Variants in SH2B2 observed in about 807,000 individuals in gnomAD.
SH2B2 encodes SH2B adaptor protein 2.
Under a neutral mutation model 35.7 loss-of-function variants are expected in SH2B2, and 37 were observed. The ratio of observed to expected loss-of-function variants is 1.04; its 90% CI spans 0.80 to 1.36. The LOEUF (loss-of-function observed/expected upper bound fraction) is 1.36. Among genes scored for constraint, SH2B2 ranks in the 40% most tolerant of loss-of-function variants. The pLI, the probability that SH2B2 is intolerant of heterozygous loss-of-function variation, is 0.00. For missense variants in SH2B2, 852 were observed against 817.7 expected, an observed-to-expected ratio of 1.04 and a Z score of -0.51; for synonymous variants, 383 against 376.4, an observed-to-expected ratio of 1.02 and a Z score of -0.20.
At chr7:102,292,507 G>C (rs1402733653) in intron 1 of SH2B2, among the ~76,000 whole-genome samples, 1 of 150,346 alleles carries the variant, frequency 6.7e-6, no homozygotes, top group Non-Finnish European at 1.5e-5. Flanking sequence ...CTCCAGCCTC[G>C]GCAACAGAGC....
At chr7:102,316,102 C>G in intron 6 of SH2B2, among the ~76,000 whole-genome samples, 1 of 151,774 alleles carries the variant, frequency 6.6e-6, no homozygotes, top group Non-Finnish European at 1.5e-5. Flanking sequence ...CAACAAGACT[C>G]TGTCTCTACA....
At position 102,297,394 on chromosome 7, in the gene SH2B2, T is replaced by TACATAC. The variant is rs1554552659; in HGVS notation, c.-29-3125_-29-3124insTACACA. 8.3e-5 allele frequency among the ~76,000 whole-genome samples: 12 copies of TACATAC among 144,458 alleles called. No homozygotes were observed. The highest frequency in any genetic ancestry group is 3.1e-4 in the African/African-American group (12 of 38,662). 94.8% of individuals were successfully genotyped at this position (144,458 alleles called of 152,430 possible). A position where few individuals can be genotyped will look rare whatever the true frequency, so the allele number is the denominator to read the frequency against. On this transcript the variant is annotated intron_variant, in intron 1 of 8. Coordinates refer to ENST00000444095, the MANE Select transcript of SH2B2 (RefSeq NM_001359228.2). The surrounding 1 kb of genome is among the most constrained non-coding windows in gnomAD (Gnocchi z 4.3). ...CATCAATAGAGTGAGATCCCATCTC[T>TACATAC]ACACACACACACACACACACACACA...
At chr7:102,290,846 T>C (rs1250408635) in intron 1 of SH2B2, among the ~76,000 whole-genome samples, 2 of 152,238 alleles carry the variant, frequency 1.3e-5, no homozygotes, top group Non-Finnish European at 2.9e-5. Flanking sequence ...TGGGTACCTC[T>C]GCAGCTGCCT....
rs782259140 is a variant in SH2B2 at position 102,300,679 on chromosome 7, C to T, written c.129C>T (p.Cys43=). ...AAAVDFAHKF[C]RFLRDNPAYD... ...CCGTGGACTTTGCGCACAAGTTCTG[C>T]CGTTTCCTGCGGGACAACCCAGCTT... The change falls in exon 2 of 9, where the codon TGC becomes TGT. Residue 43 remains cysteine, a synonymous_variant. Coordinates refer to ENST00000444095, the MANE Select transcript of SH2B2 (RefSeq NM_001359228.2). 89 of 1,547,536 alleles carry T rather than the reference C, an allele frequency of 5.8e-5. No homozygotes were observed. The highest frequency in any genetic ancestry group is 9.8e-5 in the East Asian group (4 of 40,834).
chr7:102,291,079 A>C (rs1792654333), intron 1 of SH2B2, among the ~76,000 whole-genome samples: 2 of 152,146 alleles, frequency 1.3e-5, no homozygotes, highest in African/African-American at 2.4e-5. Context: ...GACTTTTAAC[A>C]CTGTCCCAGC....
Position 102,306,897 on chromosome 7 carries a change from T to A in SH2B2, c.831+75T>A, listed in dbSNP as rs1338254152. ...CTTCCCTTTAGGTGCTACAGCTCCC[T>A]AGGGGAGCGAGGGGAAGGAGCCTAA... On this transcript the variant is annotated intron_variant, in intron 3 of 8. Transcript: ENST00000444095. 4 of 1,193,252 alleles carry A rather than the reference T, an allele frequency of 3.4e-6. No individual in the cohort carries two copies. The East Asian group carries it at 1.0e-4, about 30-fold the overall frequency. 73.9% of individuals were successfully genotyped at this position (1,193,252 alleles called of 1,614,324 possible).
At chr7:102,311,937 G>A (rs1793638711) in intron 4 of SH2B2, among the ~76,000 whole-genome samples, 1 of 151,470 alleles carries the variant, frequency 6.6e-6, no homozygotes, top group African/African-American at 2.4e-5. Context: ...ATTAGCTGGA[G>A]GTGGAGGCGG....
chr7:102,292,321 G>A (rs576558936), intron 1 of SH2B2, among the ~76,000 whole-genome samples: 10 of 152,090 alleles, frequency 6.6e-5, no homozygotes, highest in East Asian at 1.9e-4. Context: ...ACCTGAGGTC[G>A]GAAGTTCGAG....
At chr7:102,294,269 C>A (rs1792816328) in intron 1 of SH2B2, among the ~76,000 whole-genome samples, 1 of 152,212 alleles carries the variant, frequency 6.6e-6, no homozygotes, top group African/African-American at 2.4e-5. Context: ...CTCAAGTGAT[C>A]TACCTGCCTC....
chr7:102,298,056 G>C (rs949558333), intron 1 of SH2B2, among the ~76,000 whole-genome samples: 14 of 152,168 alleles, frequency 9.2e-5, no homozygotes, highest in African/African-American at 3.4e-4. Context: ...AAATTTGGCT[G>C]CTATGCTTCT....
chr7:102,291,434 C>A (rs1196630463), intron 1 of SH2B2, among the ~76,000 whole-genome samples: 1 of 152,152 alleles, frequency 6.6e-6, no homozygotes, highest in African/African-American at 2.4e-5. Context: ...GAAACTAATG[C>A]TCAGAACAGC....
Position 102,317,281 on chromosome 7 carries a change from T to C in SH2B2, c.1281T>C (p.Ala427=). 6.2e-7 allele frequency: 1 copy of C among 1,613,748 alleles called. No individual in the cohort carries two copies. Residue 427 remains alanine, a synonymous_variant, in exon 7 of 9, where the codon GCT becomes GCC. Transcript: ENST00000444095. Reference sequence around the variant, plus strand: ...ACGGGACACTGTCCCGGGTCAAGGCTGCTCAACTGGTTCTGGCAGGGGGGC... The same window carrying C: ...ACGGGACACTGTCCCGGGTCAAGGCCGCTCAACTGGTTCTGGCAGGGGGGC... ...WFHGTLSRVK[A]AQLVLAGGPR...
chr7:102,318,756 A>G (rs2960259), intron 7 of SH2B2, among the ~76,000 whole-genome samples: 97,944 of 152,008 alleles, frequency 0.64, 31,742 homozygotes, highest in African/African-American at 0.7. Context: ...TGGCCCCACC[A>G]TGCAGGAGGT....
chr7:102,305,943 G>A (rs983267571), intron 2 of SH2B2, among the ~76,000 whole-genome samples: 1 of 148,340 alleles, frequency 6.7e-6, no homozygotes, highest in Non-Finnish European at 1.5e-5. Flanking sequence ...CACCCAGGTG[G>A]GGGTATAGTG....
chr7:102,317,465 G>C, intron 7 of SH2B2, 70 bp downstream of exon 7: 5 of 1,355,154 alleles, frequency 3.7e-6, no homozygotes, highest in Non-Finnish European at 4.9e-6. Context: ...GGTGACCCCG[G>C]TCCTGAGGCT....
intron 4 of SH2B2, among the ~76,000 whole-genome samples, chr7:102,311,257 A>C (rs1434345700): frequency 1.4e-5 from 2 of 140,866 alleles, no homozygotes; most frequent in Non-Finnish European, 3.1e-5. Flanking sequence ...GACTGGCTTA[A>C]TTTTTTTTTT....
At chr7:102,319,550 CT>C (rs1201567252) in intron 7 of SH2B2, among the ~76,000 whole-genome samples, 1 of 152,134 alleles carries the variant, frequency 6.6e-6, no homozygotes, top group Non-Finnish European at 1.5e-5. Flanking sequence ...GATTGTCTGT[CT>C]TTTATGCAGG....
chr7:102,309,252 T>G (rs1398671148), intron 4 of SH2B2: 2 of 458,368 alleles, frequency 4.4e-6, no homozygotes, highest in Non-Finnish European at 4.3e-6. Flanking sequence ...GTGGCTCACA[T>G]CTGTGACCCC....
chr7:102,294,922 G>A (rs782579466), intron 1 of SH2B2, among the ~76,000 whole-genome samples: 3 of 152,182 alleles, frequency 2.0e-5, no homozygotes, highest in Non-Finnish European at 4.4e-5. Context: ...TGCAGGGTTA[G>A]GTAGGAGAGG....
Sources: gnomAD v4.1 joint callset for allele counts (sites outside exome capture counted in the v4.1 genomes callset) on GRCh38, gnomAD v4.1.1 for gene constraint, Gnocchi (gnomAD v3.1) non-coding constraint, MANE v1.5 for transcripts, NCBI Gene and HGNC (gene_info 2026-07-23, HGNC 2026-07-21) for gene names.